SMAP1: variants seen among roughly 807,000 people sequenced by gnomAD.
SMAP1 encodes the protein small ArfGAP 1, also known as stromal membrane-associated protein 1.
SMAP1 carries 24 observed loss-of-function variants against 58.5 expected under a neutral mutation model. That is an observed-to-expected ratio of 0.41 (90% CI 0.30 to 0.58). The LOEUF is 0.58. Ranked by LOEUF, SMAP1 falls within the 20% of genes least tolerant of loss-of-function variation. SMAP1 has a pLI of 0.29. For synonymous variants in SMAP1, 216 were observed against 196.6 expected (o/e 1.10, Z -0.82); for missense variants, 563 against 566.3 (o/e 0.99, Z 0.06).
At chr6:70,805,411 T>A (rs1231745678) in intron 6 of SMAP1, among the ~76,000 whole-genome samples, 1 of 152,206 alleles carries the variant, frequency 6.6e-6, no homozygotes, top group African/African-American at 2.4e-5. Context: ...CTAACCTTTT[T>A]TCGAGGTTTT....
intron 3 of SMAP1, among the ~76,000 whole-genome samples, chr6:70,770,602 A>G (rs1455740054): frequency 2.0e-5 from 3 of 151,190 alleles, no homozygotes; most frequent in Non-Finnish European, 4.4e-5. Flanking sequence ...AGCTCCATGA[A>G]CTCCTTTAAG....
intron 3 of SMAP1, among the ~76,000 whole-genome samples, chr6:70,771,532 CG>C (rs1252666135): frequency 6.6e-6 from 1 of 152,132 alleles, no homozygotes; most frequent in African/African-American, 2.4e-5. Context: ...AGCAAGACTC[CG>C]GGGGCGTAGG....
chr6:70,802,583 C>T (rs1040623898), intron 6 of SMAP1, among the ~76,000 whole-genome samples: 24 of 152,080 alleles, frequency 1.6e-4, no homozygotes, highest in Admixed American at 1.4e-3. Flanking sequence ...TGTCTTGTTC[C>T]GGTTTTCAAA....
chr6:70,733,701 C>T (rs1256647814), intron 2 of SMAP1, among the ~76,000 whole-genome samples: 2 of 152,046 alleles, frequency 1.3e-5, no homozygotes, highest in Non-Finnish European at 2.9e-5. Flanking sequence ...TTTCAAGAAA[C>T]GTGTGAGGTG....
At chr6:70,857,852 T>C in intron 9 of SMAP1, 70 bp from the exon 10 acceptor site, 1 of 1,535,032 alleles carries the variant, frequency 6.5e-7, no homozygotes, top group East Asian at 2.3e-5. Flanking sequence ...GCAATTTTTC[T>C]GTGATTATAG....
intron 1 of SMAP1, among the ~76,000 whole-genome samples, chr6:70,688,060 A>G (rs1767003920): frequency 6.6e-6 from 1 of 151,968 alleles, no homozygotes; most frequent in Admixed American, 6.6e-5. Flanking sequence ...GAATCATGCA[A>G]TATGTAACCT....
rs146317655 is a variant in SMAP1, at chr6:70,799,660, T to C, written c.576+923T>C. Among the ~76,000 whole-genome samples, 80 of 152,318 alleles carry C rather than the reference T, an allele frequency of 5.3e-4. 2 individuals carry two copies. In the East Asian group the frequency reaches 0.015, roughly 28 times the overall value. ...TAAAGTACATAATAGAAGTACTGTA[T>C]ATAAGAAAGAAGATCCATTCTGCTG... On this transcript the variant is annotated intron_variant, in intron 6 of 10. Coordinates refer to ENST00000370455, the MANE Select transcript of SMAP1 (RefSeq NM_001044305.3).
At chr6:70,668,194 C>T in intron 1 of SMAP1, 53 bp downstream of exon 1, 1 of 1,484,492 alleles carries the variant, frequency 6.7e-7, no homozygotes, top group Non-Finnish European at 9.2e-7. Context: ...GACCGGTGAC[C>T]TTCCCGCCGC....
chr6:70,742,630 C>G (rs1228032385), intron 2 of SMAP1, among the ~76,000 whole-genome samples: 1 of 152,216 alleles, frequency 6.6e-6, no homozygotes, highest in Admixed American at 6.5e-5. Context: ...TTCCCCAGTT[C>G]CAAAGTCACT....
intron 1 of SMAP1, 24 bp from the exon 2 acceptor site, chr6:70,732,354 T>G: frequency 6.3e-7 from 1 of 1,593,882 alleles, no homozygotes; most frequent in South Asian, 1.1e-5. Context: ...TTGCTTTTTT[T>G]TGTGGTTTCT....
At chr6:70,678,858 C>A (rs1421320749) in intron 1 of SMAP1, among the ~76,000 whole-genome samples, 1 of 152,102 alleles carries the variant, frequency 6.6e-6, no homozygotes, top group Non-Finnish European at 1.5e-5. Flanking sequence ...ATGTTTATGA[C>A]CTTTTGGCTT....
intron 6 of SMAP1, among the ~76,000 whole-genome samples, chr6:70,805,070 T>A (rs1232361484): frequency 6.6e-6 from 1 of 152,206 alleles, no homozygotes; most frequent in Non-Finnish European, 1.5e-5. Flanking sequence ...GGGTACGTTC[T>A]CCTGGATAAT....
intron 6 of SMAP1, among the ~76,000 whole-genome samples, chr6:70,810,167 T>C (rs907288667): frequency 6.6e-6 from 1 of 152,160 alleles, no homozygotes; most frequent in Admixed American, 6.6e-5. Flanking sequence ...CAAGTGTATT[T>C]TCTTTCTTTT....
At chr6:70,783,431 A>G (rs1333457061) in intron 4 of SMAP1, among the ~76,000 whole-genome samples, 1 of 152,262 alleles carries the variant, frequency 6.6e-6, no homozygotes, top group African/African-American at 2.4e-5. Context: ...CCTCACCAGC[A>G]ACGGAACAAT....
chr6:70,777,150 A>G (rs1767579370), intron 4 of SMAP1, among the ~76,000 whole-genome samples: 1 of 152,116 alleles, frequency 6.6e-6, no homozygotes, highest in Non-Finnish European at 1.5e-5. Context: ...TCTGGTATCT[A>G]TCATCTTTTT....
At chr6:70,757,260 C>A (rs1282151273) in intron 3 of SMAP1, among the ~76,000 whole-genome samples, 1 of 148,452 alleles carries the variant, frequency 6.7e-6, no homozygotes, top group African/African-American at 2.5e-5. Flanking sequence ...GAAAAACAAG[C>A]AATGGGGAAA....
At chr6:70,841,588 T>G (rs1347137263) in intron 7 of SMAP1, among the ~76,000 whole-genome samples, 2 of 152,194 alleles carry the variant, frequency 1.3e-5, no homozygotes, top group Non-Finnish European at 2.9e-5. Context: ...ATCTAAACAT[T>G]CATAACTTTT....
intron 2 of SMAP1, among the ~76,000 whole-genome samples, chr6:70,742,634 A>G (rs1364152968): frequency 2.6e-5 from 4 of 152,170 alleles, no homozygotes; most frequent in Middle Eastern, 3.2e-3. Flanking sequence ...CCAGTTCCAA[A>G]GTCACTTCCA....
chr6:70,707,114 A>G (rs954870718), intron 1 of SMAP1, among the ~76,000 whole-genome samples: 24 of 152,114 alleles, frequency 1.6e-4, no homozygotes, highest in Admixed American at 7.9e-4. Flanking sequence ...GTTTTATACT[A>G]TTAGAGTAAC....
Sources: gnomAD v4.1 joint callset for allele counts (sites outside exome capture counted in the v4.1 genomes callset) on GRCh38, gnomAD v4.1.1 for gene constraint, MANE v1.5 for transcripts, NCBI Gene and HGNC (gene_info 2026-07-23, HGNC 2026-07-21) for gene names.